ADCY8: variants seen among roughly 807,000 people sequenced by gnomAD.
ADCY8 encodes the protein adenylate cyclase 8, also known as adenylate cyclase type 8.
ADCY8 carries 51 observed loss-of-function variants against 119.7 expected under a neutral mutation model. The ratio of observed to expected loss-of-function variants is 0.43; its 90% CI spans 0.34 to 0.54. The LOEUF is 0.54. ADCY8 is among the 20% of genes least tolerant of loss of function. The pLI, the probability that ADCY8 is intolerant of heterozygous loss-of-function variation, is 0.03. For synonymous variants in ADCY8, 665 were observed against 651.0 expected, an observed-to-expected ratio of 1.02 and a Z score of -0.33; for missense variants, 1,383 against 1,598.8, an observed-to-expected ratio of 0.87 and a Z score of 2.30.
chr8:130,968,070 G>A (rs963246815), intron 2 of ADCY8, among the ~76,000 whole-genome samples: 2 of 152,166 alleles, frequency 1.3e-5, no homozygotes, highest in Non-Finnish European at 2.9e-5. Flanking sequence ...GGGCAGGTGG[G>A]GGAGAGAGAA....
At chr8:130,928,687 T>C (rs1820543146) in intron 5 of ADCY8, among the ~76,000 whole-genome samples, 1 of 152,186 alleles carries the variant, frequency 6.6e-6, no homozygotes, top group Non-Finnish European at 1.5e-5. Context: ...TTTTATTGCA[T>C]ATTTTTCTTT....
chr8:130,943,355 G>A lies in ADCY8; in HGVS notation c.1349C>T (p.Ala450Val). The change falls in exon 4 of 18, where the codon GCC (alanine) becomes GTC (valine). Residue 450 changes from alanine to valine, a missense_variant. Transcript: ENST00000286355. ...AGGAAATTAAATTCAACTCACATGG[G>A]CCAGTCGATCAAATCTGGCAAAGAG... ...NELFARFDRL[A>V]HEHHCLRIKI... 1 of 1,611,510 alleles carries A rather than the reference G, an allele frequency of 6.2e-7. No homozygotes were observed.
At chr8:131,025,363 T>A (rs961001872) in intron 1 of ADCY8, among the ~76,000 whole-genome samples, 7 of 152,184 alleles carry the variant, frequency 4.6e-5, no homozygotes, top group South Asian at 2.1e-4. Flanking sequence ...TAGCTGTGGA[T>A]GAAATCTCGT....
chr8:131,023,382 G>A (rs1407648415), intron 1 of ADCY8, among the ~76,000 whole-genome samples: 1 of 152,154 alleles, frequency 6.6e-6, no homozygotes, highest in African/African-American at 2.4e-5. Context: ...TAAAGACCTA[G>A]GAGTGGGTTT....
intron 1 of ADCY8, among the ~76,000 whole-genome samples, chr8:131,026,777 T>C (rs1160511826): frequency 6.6e-6 from 1 of 152,216 alleles, no homozygotes; most frequent in Non-Finnish European, 1.5e-5. Flanking sequence ...AGGGTGATTG[T>C]TTTAAAACTT....
chr8:131,028,673 A>G (rs1270229315), intron 1 of ADCY8, among the ~76,000 whole-genome samples: 2 of 152,206 alleles, frequency 1.3e-5, no homozygotes, highest in African/African-American at 2.4e-5. Flanking sequence ...AAGTCTGTAG[A>G]TAAACTGGTC....
At position 130,909,688 on chromosome 8, in the gene ADCY8, A is replaced by C. The variant is rs145277963; in HGVS notation, c.1640+20T>G. 6.2e-7 allele frequency: 1 copy of C among 1,613,746 alleles called. No homozygotes were observed. Among genetic ancestry groups the C allele is most frequent in the East Asian group, 2.2e-5 (1 of 44,862 alleles). On this transcript the variant is annotated intron_variant, in intron 6 of 17. Coordinates refer to ENST00000286355, the MANE Select transcript of ADCY8 (RefSeq NM_001115.3). Reference sequence around the variant, plus strand: ...CCAATGACAACCGTTAAGCATGAAAAGGGCTTTGCTTTATCTTACCCAGGG... The same window carrying C: ...CCAATGACAACCGTTAAGCATGAAACGGGCTTTGCTTTATCTTACCCAGGG...
At position 130,855,969 on chromosome 8, in the gene ADCY8, T is replaced by C. The variant is rs188608613; in HGVS notation, c.2211-6166A>G. Among the ~76,000 whole-genome samples the C allele has an allele frequency of 1.2e-3, 184 of 152,274 alleles. 1 individual carries two copies. Among genetic ancestry groups the C allele is most frequent in the Non-Finnish European group, 1.9e-3 (126 of 68,026 alleles). ...GATCACATCATCTCTTTCATTAAAA[T>C]GCTTTAATGAAGACTCCTCTGCCAA... On this transcript the variant is annotated intron_variant, in intron 9 of 17. Transcript: ENST00000286355.
chr8:130,966,028 A>T (rs1007168542), intron 2 of ADCY8, among the ~76,000 whole-genome samples: 1 of 152,242 alleles, frequency 6.6e-6, no homozygotes, highest in East Asian at 1.9e-4. Flanking sequence ...TCCTTTGGTC[A>T]TCAAGATACT....
chr8:130,941,410 A>C (rs140696266), intron 4 of ADCY8, among the ~76,000 whole-genome samples: 1 of 152,298 alleles, frequency 6.6e-6, no homozygotes, highest in African/African-American at 2.4e-5. Flanking sequence ...GTTTACTGTG[A>C]CACCAGAAAT....
chr8:130,993,881 T>C (rs1822682016), intron 1 of ADCY8, among the ~76,000 whole-genome samples: 1 of 152,222 alleles, frequency 6.6e-6, no homozygotes, highest in African/African-American at 2.4e-5. Context: ...AAGGCACATA[T>C]TGAAAATTTG....
intron 1 of ADCY8, among the ~76,000 whole-genome samples, chr8:130,994,889 A>G (rs993638551): frequency 6.6e-6 from 1 of 152,112 alleles, no homozygotes; most frequent in African/African-American, 2.4e-5. Context: ...GCTGCTCTGA[A>G]CATTGTGGGC....
chr8:130,983,385 C>A (rs890295380), intron 2 of ADCY8, among the ~76,000 whole-genome samples: 1 of 152,082 alleles, frequency 6.6e-6, no homozygotes, highest in Non-Finnish European at 1.5e-5. Context: ...TCCCATTGGC[C>A]GAACCCAACA....
intron 15 of ADCY8, among the ~76,000 whole-genome samples, chr8:130,795,799 T>G (rs375750374): frequency 1.3e-5 from 2 of 150,148 alleles, no homozygotes; most frequent in Admixed American, 6.6e-5. Flanking sequence ...GTGTGTGTGT[T>G]TGTGTGTATG....
intron 14 of ADCY8, among the ~76,000 whole-genome samples, chr8:130,804,949 A>G (rs143391138): frequency 0.17 from 26,444 of 151,970 alleles, 2,868 homozygotes; most frequent in African/African-American, 0.31. Flanking sequence ...GTTTCATCAC[A>G]TTGGCCAGGC....
Position 130,800,440 on chromosome 8 carries a change from C to A in ADCY8, c.3046G>T (p.Ala1016Ser), listed in dbSNP as rs1158674249. The A allele has an allele frequency of 6.2e-7, 1 of 1,614,028 alleles. No individual in the cohort carries two copies. The highest frequency in any genetic ancestry group is 8.5e-7 in the Non-Finnish European group (1 of 1,180,032). Residue 1016 changes from alanine (A) to serine (S), a missense_variant, in exon 15 of 18, where the codon GCT (alanine) becomes TCT (serine). This residue lies in a region of ADCY8 where 928 missense variants were observed against 1,163.5 expected (regional missense o/e 0.80). Coordinates refer to ENST00000286355, the MANE Select transcript of ADCY8 (RefSeq NM_001115.3). Reference sequence around the variant, plus strand: ...CTTAGATTTACCTCATCGAAGTCAGCAATGATCTCATTGAGCAAGCGCAGG... The same window carrying A: ...CTTAGATTTACCTCATCGAAGTCAGAAATGATCTCATTGAGCAAGCGCAGG... ...ECLRLLNEIIADFDELLGEDR... is the reference protein window; with the variant it reads ...ECLRLLNEIISDFDELLGEDR...
intron 4 of ADCY8, among the ~76,000 whole-genome samples, chr8:130,939,506 A>G (rs1351284254): frequency 6.6e-6 from 1 of 152,116 alleles, no homozygotes; most frequent in African/African-American, 2.4e-5. Flanking sequence ...AAAGCCTGGT[A>G]CCATCAAAAT....
intron 2 of ADCY8, among the ~76,000 whole-genome samples, chr8:130,984,315 A>C (rs1822330989): frequency 6.6e-6 from 1 of 152,272 alleles, no homozygotes; most frequent in Admixed American, 6.5e-5. Context: ...GGTCTGGAGA[A>C]TGTATATACA....
intron 14 of ADCY8, among the ~76,000 whole-genome samples, chr8:130,808,577 A>G (rs1242599176): frequency 6.6e-6 from 1 of 152,328 alleles, no homozygotes; most frequent in Admixed American, 6.5e-5. Context: ...GCCATTGGTC[A>G]TAAAGGTAGT....
Sources: gnomAD v4.1 joint callset for allele counts (sites outside exome capture counted in the v4.1 genomes callset) on GRCh38, gnomAD v4.1.1 for gene constraint, gnomAD v4.1.1 regional missense constraint, MANE v1.5 for transcripts, NCBI Gene and HGNC (gene_info 2026-07-23, HGNC 2026-07-21) for gene names.